Variants in SLC25A21 observed in about 807,000 individuals in gnomAD.
The protein encoded by SLC25A21 is mitochondrial 2-oxodicarboxylate carrier.
SLC25A21 carries 47 observed loss-of-function variants against 43.8 expected under a neutral mutation model. The ratio of observed to expected loss-of-function variants is 1.07; its 90% confidence interval spans 0.85 to 1.37. The LOEUF is 1.37. Ranked by LOEUF, SLC25A21 falls within the 40% of genes most tolerant of loss-of-function variation. The pLI is 0.00. For synonymous variants in SLC25A21, 131 were observed against 121.3 expected, an observed-to-expected ratio of 1.08 and a Z score of -0.52; for missense variants, 352 against 350.2, an observed-to-expected ratio of 1.00 and a Z score of -0.04.
intron 1 of SLC25A21, among the ~76,000 whole-genome samples, chr14:37,039,186 A>C (rs2138779982): frequency 6.6e-6 from 1 of 152,348 alleles, no homozygotes; most frequent in South Asian, 2.1e-4. Flanking sequence ...TCGCCTAATC[A>C]TTGACAGTAT....
At chr14:37,035,311 T>G (rs1485556010) in intron 1 of SLC25A21, among the ~76,000 whole-genome samples, 6 of 152,328 alleles carry the variant, frequency 3.9e-5, no homozygotes, top group Non-Finnish European at 4.4e-5. Context: ...CCTTTTTAAG[T>G]GCCGAAAACA....
intron 1 of SLC25A21, among the ~76,000 whole-genome samples, chr14:37,031,131 T>A (rs1961202027): frequency 6.6e-6 from 1 of 152,212 alleles, no homozygotes; most frequent in Non-Finnish European, 1.5e-5. Context: ...CTTCTGCGCA[T>A]GTTTACTAAA....
At chr14:37,135,142 G>A (rs1224186132) in intron 1 of SLC25A21, among the ~76,000 whole-genome samples, 1 of 152,152 alleles carries the variant, frequency 6.6e-6, no homozygotes, top group East Asian at 1.9e-4. Flanking sequence ...TGACCAGGCT[G>A]ATCTCGAACT....
intron 1 of SLC25A21, among the ~76,000 whole-genome samples, chr14:36,946,468 G>A (rs747136666): frequency 4.6e-5 from 7 of 152,176 alleles, no homozygotes; most frequent in South Asian, 2.1e-4. Flanking sequence ...GATTCCATAC[G>A]TAAATAATAG....
chr14:37,048,360 T>A (rs1335750423), intron 1 of SLC25A21, among the ~76,000 whole-genome samples: 1 of 152,098 alleles, frequency 6.6e-6, no homozygotes, highest in Admixed American at 6.5e-5. Context: ...AGGTAGGAAA[T>A]TACTGTCATC....
At chr14:36,940,229 A>G (rs1240586590) in intron 1 of SLC25A21, among the ~76,000 whole-genome samples, 2 of 152,082 alleles carry the variant, frequency 1.3e-5, no homozygotes, top group Non-Finnish European at 2.9e-5. Flanking sequence ...TTTGGAGTTG[A>G]AAAGGAAGAA....
At chr14:37,068,113 G>A (rs1020208355) in intron 1 of SLC25A21, among the ~76,000 whole-genome samples, 7 of 152,206 alleles carry the variant, frequency 4.6e-5, no homozygotes, top group African/African-American at 1.4e-4. Context: ...AACACAGGCC[G>A]CGACAGCAGA....
chr14:36,678,056 A>C lies in SLC25A21; in HGVS notation c.*2602T>G, dbSNP rs554396280. On this transcript the variant is annotated 3_prime_UTR_variant, in exon 10 of 10. Transcript: ENST00000331299. ...ATATATTGAGGGTTTTTTGGTACTA[A>C]TTCTGTGCAATAACTAAAAGAGCAC... The C allele has an allele frequency of 6.2e-6, 1 of 161,772 alleles. No homozygotes were observed. Among genetic ancestry groups the C allele is most frequent in the African/African-American group, 2.4e-5 (1 of 41,982 alleles). The allele number at this position is 161,772 out of a possible 1,614,324, so 10.0% of individuals were successfully genotyped here.
intron 1 of SLC25A21, among the ~76,000 whole-genome samples, chr14:37,122,342 G>A (rs1052027633): frequency 6.6e-6 from 1 of 152,130 alleles, no homozygotes; most frequent in African/African-American, 2.4e-5. Context: ...AACATAGTCT[G>A]GAAAACAGAG....
chr14:36,739,871 T>G (rs1483244419), intron 3 of SLC25A21, among the ~76,000 whole-genome samples: 1 of 152,096 alleles, frequency 6.6e-6, no homozygotes, highest in Non-Finnish European at 1.5e-5. Flanking sequence ...TTCAAACCCA[T>G]CATGGTGGCC....
intron 2 of SLC25A21, among the ~76,000 whole-genome samples, chr14:36,817,814 C>T (rs115167369): frequency 1.1e-3 from 170 of 152,268 alleles, no homozygotes; most frequent in African/African-American, 3.2e-3. Context: ...TGTCTGCATG[C>T]TCAGGTAATT....
intron 1 of SLC25A21, among the ~76,000 whole-genome samples, chr14:36,966,874 G>A (rs1195053657): frequency 6.6e-6 from 1 of 151,966 alleles, no homozygotes; most frequent in Non-Finnish European, 1.5e-5. Context: ...GCCCCCGAAG[G>A]GATTCTACAG....
intron 1 of SLC25A21, among the ~76,000 whole-genome samples, chr14:36,969,555 CAT>C (rs1471807611): frequency 6.6e-6 from 1 of 151,936 alleles, no homozygotes; most frequent in Non-Finnish European, 1.5e-5. Context: ...GTGGTGCAAT[CAT>C]AGAGCACTAT....
At chr14:37,077,573 C>A (rs1464426603) in intron 1 of SLC25A21, among the ~76,000 whole-genome samples, 2 of 152,078 alleles carry the variant, frequency 1.3e-5, no homozygotes, top group African/African-American at 4.8e-5. Flanking sequence ...GGAGCAGACC[C>A]CTCTATAAAA....
chr14:36,977,939 GC>G (rs1347513048), intron 1 of SLC25A21, among the ~76,000 whole-genome samples: 5 of 91,526 alleles, frequency 5.5e-5, no homozygotes, highest in Non-Finnish European at 1.0e-4. Context: ...TGATTACAAA[GC>G]TTTTTTTTTT....
chr14:36,761,328 C>A (rs1219575934), intron 3 of SLC25A21, among the ~76,000 whole-genome samples: 1 of 152,220 alleles, frequency 6.6e-6, no homozygotes, highest in African/African-American at 2.4e-5. Context: ...GTGTCCTTCA[C>A]GAGAGCATTC....
At chr14:36,792,015 C>T (rs984335099) in intron 3 of SLC25A21, among the ~76,000 whole-genome samples, 3 of 152,010 alleles carry the variant, frequency 2.0e-5, no homozygotes, top group African/African-American at 7.2e-5. Flanking sequence ...TACTACACTT[C>T]AGTAAAGAGT....
chr14:36,809,904 C>T (rs1437214308), intron 3 of SLC25A21, among the ~76,000 whole-genome samples: 1 of 152,134 alleles, frequency 6.6e-6, no homozygotes, highest in Admixed American at 6.6e-5. Context: ...AACGGAGTGA[C>T]TCTAAAAACT....
chr14:37,140,288 G>A lies in SLC25A21; in HGVS notation c.70+31993C>T, dbSNP rs150557386. On this transcript the variant is annotated intron_variant, in intron 1 of 9. Transcript: ENST00000331299. ...AAAATGTATTCACAGGTCTCTGAGT[G>A]TAATTCCTTAAGGGCAAGAACTATG... Among the ~76,000 whole-genome samples, 959 of 152,344 alleles carry A rather than the reference G, an allele frequency of 6.3e-3. 6 individuals carry two copies. The highest frequency in any genetic ancestry group is 0.02 in the African/African-American group (826 of 41,574).
Sources: allele counts gnomAD v4.1 joint callset (sites outside exome capture counted in the v4.1 genomes callset), GRCh38; gene constraint gnomAD v4.1.1; transcripts MANE v1.5; gene names NCBI Gene and HGNC (gene_info 2026-07-23, HGNC 2026-07-21).